Variants in IMMP2L observed in about 807,000 individuals in gnomAD.
IMMP2L encodes inner mitochondrial membrane peptidase subunit 2, also known as mitochondrial inner membrane protease subunit 2.
IMMP2L carries 18 observed loss-of-function variants against 19.3 expected under a neutral mutation model. That is an observed-to-expected ratio of 0.93 (90% confidence interval 0.64 to 1.38). The LOEUF is 1.38. Ranked by LOEUF, IMMP2L falls within the 40% of genes most tolerant of loss-of-function variation. The probability of loss-of-function intolerance (pLI) is 0.00; values close to 1 mark genes in which losing one functional copy is unlikely to be tolerated. For missense variants in IMMP2L, 233 were observed against 218.2 expected, an observed-to-expected ratio of 1.07 and a Z score of -0.43; for synonymous variants, 76 against 73.0, an observed-to-expected ratio of 1.04 and a Z score of -0.21.
At chr7:110,830,456 C>T (rs533769466) in intron 5 of IMMP2L, among the ~76,000 whole-genome samples, 47 of 152,072 alleles carry the variant, frequency 3.1e-4, no homozygotes, top group African/African-American at 1.1e-3. Flanking sequence ...AGATCTCTTA[C>T]AGTTTCCTTA....
chr7:111,526,859 C>A (rs540846266), intron 1 of IMMP2L, among the ~76,000 whole-genome samples: 1 of 152,094 alleles, frequency 6.6e-6, no homozygotes, highest in Non-Finnish European at 1.5e-5. Context: ...AGGACAGAAA[C>A]GGAATGCTTC....
At chr7:110,938,739 A>G (rs1431221547) in intron 4 of IMMP2L, among the ~76,000 whole-genome samples, 1 of 152,150 alleles carries the variant, frequency 6.6e-6, no homozygotes, top group Non-Finnish European at 1.5e-5. Context: ...CTACAAAACA[A>G]TACAAAAATA....
At chr7:111,492,236 T>C (rs754900704) in intron 2 of IMMP2L, 6 of 214,168 alleles carry the variant, frequency 2.8e-5, no homozygotes, top group Non-Finnish European at 4.8e-5. Context: ...AAAAATCAAT[T>C]AGTGGAATTT....
intron 3 of IMMP2L, among the ~76,000 whole-genome samples, chr7:111,281,690 C>T (rs1819902319): frequency 6.6e-6 from 1 of 152,112 alleles, no homozygotes; most frequent in African/African-American, 2.4e-5. Context: ...AATGTACCAA[C>T]ATTCTGTACA....
At chr7:110,677,136 G>C (rs745857971) in intron 5 of IMMP2L, among the ~76,000 whole-genome samples, 30 of 152,092 alleles carry the variant, frequency 2.0e-4, no homozygotes, top group Non-Finnish European at 3.2e-4. Flanking sequence ...CAATCTAAGA[G>C]ACTAAGAAAA....
intron 3 of IMMP2L, among the ~76,000 whole-genome samples, chr7:111,281,184 AAG>A (rs1410414283): frequency 1.4e-4 from 9 of 66,094 alleles, no homozygotes; most frequent in South Asian, 1.6e-3. Context: ...GAAAGAAAGA[AAG>A]AAAGAAAGAA....
chr7:111,352,823 T>C (rs536317717), intron 3 of IMMP2L, among the ~76,000 whole-genome samples: 1 of 152,250 alleles, frequency 6.6e-6, no homozygotes, highest in African/African-American at 2.4e-5. Context: ...CAGTGAACTA[T>C]CTGTAGTCTT....
intron 3 of IMMP2L, among the ~76,000 whole-genome samples, chr7:111,321,932 G>C (rs2130505892): frequency 6.6e-6 from 1 of 151,962 alleles, no homozygotes; most frequent in Admixed American, 6.6e-5. Flanking sequence ...GAAACACCTT[G>C]AGTTATGATA....
intron 1 of IMMP2L, among the ~76,000 whole-genome samples, chr7:111,547,515 C>CCCGG (rs1176712613): frequency 1.4e-4 from 21 of 147,864 alleles, no homozygotes; most frequent in African/African-American, 5.4e-4. Context: ...ACCCCCCCCC[C>CCCGG]CTTTTTATCC....
chr7:111,239,379 G>A (rs1489701613), intron 3 of IMMP2L, among the ~76,000 whole-genome samples: 1 of 151,778 alleles, frequency 6.6e-6, no homozygotes, highest in Non-Finnish European at 1.5e-5. Flanking sequence ...ACAAACCATT[G>A]TTAATTTTCA....
intron 5 of IMMP2L, among the ~76,000 whole-genome samples, chr7:110,817,596 G>A (rs575663478): frequency 5.9e-5 from 9 of 152,112 alleles, no homozygotes; most frequent in African/African-American, 2.2e-4. Flanking sequence ...TTTCTTCACA[G>A]AATTGGAAAA....
At chr7:111,366,005 C>T (rs1332201853) in intron 3 of IMMP2L, among the ~76,000 whole-genome samples, 1 of 152,056 alleles carries the variant, frequency 6.6e-6, no homozygotes, top group Non-Finnish European at 1.5e-5. Flanking sequence ...AGAGGAAATA[C>T]TGGCACTGGT....
At chr7:111,451,618 C>T (rs1429520972) in intron 3 of IMMP2L, among the ~76,000 whole-genome samples, 3 of 145,886 alleles carry the variant, frequency 2.1e-5, no homozygotes, top group Non-Finnish European at 4.5e-5. Context: ...TGCTAGATGA[C>T]GAGTTAGGGG....
chr7:111,224,210 C>A (rs1415741418), intron 3 of IMMP2L, among the ~76,000 whole-genome samples: 1 of 152,038 alleles, frequency 6.6e-6, no homozygotes, highest in Admixed American at 6.6e-5. Context: ...GCTTTGTGAA[C>A]TGAAATGCAT....
rs1807600440 is a variant in IMMP2L at position 110,862,938 on chromosome 7, G to T, written c.408+23655C>A. On this transcript the variant is annotated intron_variant, in intron 5 of 5. Transcript: ENST00000405709. Reference sequence around the variant, plus strand: ...CCTCATATAAAAAATTCAGATTCCTGAAGTTCAAGACCCACCTCCTATAAC... The same window carrying T: ...CCTCATATAAAAAATTCAGATTCCTTAAGTTCAAGACCCACCTCCTATAAC... Among the ~76,000 whole-genome samples the T allele has an allele frequency of 2.0e-5, 3 of 152,004 alleles. No homozygotes were observed. The South Asian group carries it at 6.2e-4, about 31-fold the overall frequency.
At chr7:111,551,503 T>TGG (rs1849457276) in intron 1 of IMMP2L, among the ~76,000 whole-genome samples, 1 of 150,208 alleles carries the variant, frequency 6.7e-6, no homozygotes, top group South Asian at 2.1e-4. Context: ...GAGGTGTGTG[T>TGG]GTGTGTGTGT....
chr7:110,860,269 GA>G (rs1807258022), intron 5 of IMMP2L, among the ~76,000 whole-genome samples: 2 of 151,958 alleles, frequency 1.3e-5, no homozygotes, highest in Admixed American at 1.3e-4. Flanking sequence ...TTTATCCTAA[GA>G]TTTAAAAAAT....
At chr7:110,920,764 C>T (rs1300341640) in intron 4 of IMMP2L, among the ~76,000 whole-genome samples, 1 of 152,158 alleles carries the variant, frequency 6.6e-6, no homozygotes, top group Non-Finnish European at 1.5e-5. Flanking sequence ...GCCCCAGTAA[C>T]TGGCAGGAAT....
chr7:110,934,007 T>A (rs969365430), intron 4 of IMMP2L, among the ~76,000 whole-genome samples: 1 of 152,164 alleles, frequency 6.6e-6, no homozygotes, highest in African/African-American at 2.4e-5. Context: ...AAACACCGCA[T>A]TAGCTGTGTC....
Sources: allele counts gnomAD v4.1 joint callset (sites outside exome capture counted in the v4.1 genomes callset), GRCh38; gene constraint gnomAD v4.1.1; transcripts MANE v1.5; gene names NCBI Gene and HGNC (gene_info 2026-07-23, HGNC 2026-07-21).